The following CPQ variants were observed in gnomAD, a reference collection of about 807,000 sequenced individuals.
The protein encoded by CPQ is Ser-Met dipeptidase.
CPQ carries 37 observed loss-of-function variants against 45.7 expected under a neutral mutation model. The observed-to-expected ratio is 0.81, with a 90% confidence interval of 0.62 to 1.07. The LOEUF is 1.07. Ranked by LOEUF, CPQ falls within the 50% of genes least tolerant of loss-of-function variation. CPQ has a pLI of 0.00. For missense variants in CPQ, 537 were observed against 572.9 expected (o/e 0.94, Z 0.64); for synonymous variants, 186 against 205.8 (o/e 0.90, Z 0.82).
intron 4 of CPQ, among the ~76,000 whole-genome samples, chr8:96,894,708 T>C (rs567575934): frequency 6.6e-6 from 1 of 152,338 alleles, no homozygotes; most frequent in South Asian, 2.1e-4. Context: ...AAAATTTTTT[T>C]AAAGTACTGT....
intron 4 of CPQ, among the ~76,000 whole-genome samples, chr8:96,890,851 G>A (rs191029688): frequency 1.9e-3 from 288 of 152,314 alleles, no homozygotes; most frequent in Middle Eastern, 0.01. Context: ...AGGGGTGATG[G>A]TGAGTGATGC....
intron 1 of CPQ, among the ~76,000 whole-genome samples, chr8:96,650,086 ACTT>A (rs1312809189): frequency 6.6e-6 from 1 of 152,214 alleles, no homozygotes; most frequent in East Asian, 1.9e-4. Flanking sequence ...AAATAACTGT[ACTT>A]CTTTAATGGT....
chr8:96,735,053 T>A (rs1234312756), intron 1 of CPQ, among the ~76,000 whole-genome samples: 1 of 152,202 alleles, frequency 6.6e-6, no homozygotes, highest in African/African-American at 2.4e-5. Context: ...CAGGAACACC[T>A]TCTCTAACTT....
intron 7 of CPQ, among the ~76,000 whole-genome samples, chr8:97,131,239 A>C (rs901413843): frequency 6.6e-6 from 1 of 152,198 alleles, no homozygotes; most frequent in Non-Finnish European, 1.5e-5. Flanking sequence ...TGCCTTATAC[A>C]AAAGCATAGA....
intron 2 of CPQ, among the ~76,000 whole-genome samples, chr8:96,804,473 G>A (rs1489626180): frequency 6.6e-6 from 1 of 151,938 alleles, no homozygotes; most frequent in Admixed American, 6.6e-5. Flanking sequence ...GAACTATCTA[G>A]GGTTAGTTTC....
chr8:97,061,411 AGTGAGGACTT>A (rs987517246), intron 6 of CPQ, among the ~76,000 whole-genome samples: 1 of 152,148 alleles, frequency 6.6e-6, no homozygotes, highest in African/African-American at 2.4e-5. Context: ...CTGAATTAAA[AGTGAGGACTT>A]GTGGCCTGAC....
intron 5 of CPQ, among the ~76,000 whole-genome samples, chr8:97,018,081 A>G (rs1243436177): frequency 1.2e-4 from 18 of 152,214 alleles, no homozygotes; most frequent in Admixed American, 1.2e-3. Flanking sequence ...AGATGACCCC[A>G]GTACCAGCCC....
chr8:96,944,616 T>G (rs1472601494), intron 4 of CPQ, among the ~76,000 whole-genome samples: 1 of 152,158 alleles, frequency 6.6e-6, no homozygotes, highest in Non-Finnish European at 1.5e-5. Context: ...TCAGCAAATA[T>G]AATCCACTGT....
chr8:96,909,627 G>T (rs1487853291), intron 4 of CPQ, among the ~76,000 whole-genome samples: 2 of 152,130 alleles, frequency 1.3e-5, no homozygotes, highest in Non-Finnish European at 2.9e-5. Flanking sequence ...TGGTGTGACT[G>T]TCCTGCTGTT....
chr8:96,862,762 A>G (rs1811943578), intron 3 of CPQ, among the ~76,000 whole-genome samples: 2 of 151,992 alleles, frequency 1.3e-5, no homozygotes, highest in South Asian at 4.1e-4. Context: ...GACCCTATTT[A>G]CCTGTTTTGC....
chr8:97,095,399 A>ATGCCATTTCTACCC (rs1458111235), intron 7 of CPQ, among the ~76,000 whole-genome samples: 2 of 152,180 alleles, frequency 1.3e-5, no homozygotes, highest in African/African-American at 4.8e-5. Context: ...CCTTAAGATA[A>ATGCCATTTCTACCC]TGCCATTTCT....
Position 96,775,278 on chromosome 8 carries a change from A to G in CPQ, c.-34-9586A>G, listed in dbSNP as rs142337827. ...TGCCTTCTTTATTATCCTGAAATAA[A>G]CATCATAGACAATCTGCTTGTGTAC... On this transcript the variant is annotated intron_variant, in intron 1 of 7. Transcript: ENST00000220763. Among the ~76,000 whole-genome samples, 510 of 152,336 alleles carry G rather than the reference A, an allele frequency of 3.3e-3. 7 individuals carry two copies. The highest frequency in any genetic ancestry group is 0.012 in the African/African-American group (485 of 41,574).
intron 7 of CPQ, among the ~76,000 whole-genome samples, chr8:97,113,440 G>A (rs182361713): frequency 1.3e-5 from 2 of 152,282 alleles, no homozygotes; most frequent in East Asian, 3.9e-4. Flanking sequence ...GCAATTACAG[G>A]ATATAAAGCA....
intron 4 of CPQ, among the ~76,000 whole-genome samples, chr8:96,936,256 G>A (rs568090087): frequency 2.6e-5 from 4 of 152,120 alleles, no homozygotes; most frequent in Non-Finnish European, 5.9e-5. Context: ...TGGGTCTAAT[G>A]CAGTATTTCT....
At chr8:97,138,494 A>T (rs976578178) in intron 7 of CPQ, among the ~76,000 whole-genome samples, 1 of 152,208 alleles carries the variant, frequency 6.6e-6, no homozygotes, top group Non-Finnish European at 1.5e-5. Context: ...TTGAAGAGGG[A>T]AATCCTAGCA....
intron 1 of CPQ, among the ~76,000 whole-genome samples, chr8:96,742,503 T>A (rs1810107249): frequency 6.6e-6 from 1 of 152,204 alleles, no homozygotes; most frequent in Admixed American, 6.5e-5. Flanking sequence ...TATGTGTGAG[T>A]TTGATCCTGT....
In CPQ at chr8:96,959,020, T is replaced by C. The variant is rs1214726368; in HGVS notation, c.850-6915T>C. On this transcript the variant is annotated intron_variant, in intron 4 of 7. Transcript: ENST00000220763. ...GTATGTCAAGAGCTTAGCTTTATTCTGTAGACCACCTAGTCAGAATCATTG... is the reference window on the plus strand; with the variant it reads ...GTATGTCAAGAGCTTAGCTTTATTCCGTAGACCACCTAGTCAGAATCATTG... 2.0e-5 allele frequency among the ~76,000 whole-genome samples: 3 copies of C among 152,196 alleles called. No homozygotes were observed. The East Asian group carries it at 5.8e-4, about 29-fold the overall frequency.
intron 1 of CPQ, among the ~76,000 whole-genome samples, chr8:96,754,436 G>A (rs1343083950): frequency 1.3e-5 from 2 of 152,006 alleles, no homozygotes; most frequent in East Asian, 3.9e-4. Flanking sequence ...GTCATATTTT[G>A]TTATGAGGGT....
chr8:97,045,957 A>G (rs1810248734), intron 6 of CPQ, among the ~76,000 whole-genome samples: 1 of 152,206 alleles, frequency 6.6e-6, no homozygotes, highest in South Asian at 2.1e-4. Flanking sequence ...TACCCAAACT[A>G]TGTTACTTTA....
Sources: gnomAD v4.1 joint callset for allele counts (sites outside exome capture counted in the v4.1 genomes callset) on GRCh38, gnomAD v4.1.1 for gene constraint, MANE v1.5 for transcripts, NCBI Gene and HGNC (gene_info 2026-07-23, HGNC 2026-07-21) for gene names.